Variants in ZDHHC17 observed in about 807,000 individuals in gnomAD.
ZDHHC17 encodes palmitoyltransferase ZDHHC17.
In ZDHHC17, 40 loss-of-function variants were observed where a neutral mutation model predicts 90.3. That is an observed-to-expected ratio of 0.44 (90% CI 0.34 to 0.58). The LOEUF (loss-of-function observed/expected upper bound fraction) is 0.58, where lower values mean the gene tolerates loss of function less well. Among genes scored for constraint, ZDHHC17 ranks in the 20% least tolerant of loss-of-function variants. The pLI is 0.01. For missense variants in ZDHHC17, 614 were observed against 780.8 expected (o/e 0.79, Z 2.55); for synonymous variants, 235 against 252.4 (o/e 0.93, Z 0.65).
In ZDHHC17 at chr12:76,853,192, C is replaced by A. The variant is rs1308523055; in HGVS notation, c.*2207C>A. On this transcript the variant is annotated 3_prime_UTR_variant, in exon 17 of 17. Coordinates refer to ENST00000426126, the MANE Select transcript of ZDHHC17 (RefSeq NM_015336.4). Reference sequence around the variant, plus strand: ...AGCAATGTGAATGCTTTTGTAGTAACCATCTTGTAGTACCTGTGAAATCTA... The same window carrying A: ...AGCAATGTGAATGCTTTTGTAGTAAACATCTTGTAGTACCTGTGAAATCTA... 6.6e-6 allele frequency: 1 copy of A among 152,130 alleles called. No homozygotes were observed. The highest frequency in any genetic ancestry group is 6.5e-5 in the Admixed American group (1 of 15,280). The allele number at this position is 152,130 out of a possible 1,614,324, so 9.4% of individuals were successfully genotyped here. A position where few individuals can be genotyped will look rare whatever the true frequency, so the allele number is the denominator to read the frequency against.
intron 1 of ZDHHC17, among the ~76,000 whole-genome samples, chr12:76,790,173 A>G (rs888191240): frequency 3.9e-5 from 6 of 152,108 alleles, no homozygotes; most frequent in African/African-American, 1.4e-4. Context: ...AGAGATAGGA[A>G]GAGGAGAGAA....
intron 1 of ZDHHC17, among the ~76,000 whole-genome samples, chr12:76,787,117 C>A (rs921735959): frequency 6.6e-6 from 1 of 152,190 alleles, no homozygotes; most frequent in Non-Finnish European, 1.5e-5. Flanking sequence ...TTTCCAGAGT[C>A]GTTTTATGTC....
chr12:76,815,651 A>G (rs1163744249), intron 6 of ZDHHC17, among the ~76,000 whole-genome samples: 3 of 151,908 alleles, frequency 2.0e-5, no homozygotes, highest in African/African-American at 7.2e-5. Flanking sequence ...GAAACTATTA[A>G]TATATTATTT....
At chr12:76,813,600 G>A (rs1026001135) in intron 5 of ZDHHC17, among the ~76,000 whole-genome samples, 1 of 151,992 alleles carries the variant, frequency 6.6e-6, no homozygotes, top group Non-Finnish European at 1.5e-5. Flanking sequence ...CTGATGCATA[G>A]AGATAGTGTT....
rs566346546 is a variant in ZDHHC17 at position 76,789,260 on chromosome 12, T to C, written c.94-8174T>C. 4.6e-5 allele frequency among the ~76,000 whole-genome samples: 7 copies of C among 152,336 alleles called. No individual in the cohort carries two copies. The South Asian group carries it at 8.3e-4, about 18-fold the overall frequency. ...TGAGGAAGAATCCATCCATTTATTC[T>C]TTCATTTCATTTAAGGAGACCAGTA... On this transcript the variant is annotated intron_variant, in intron 1 of 16. Coordinates refer to ENST00000426126, the MANE Select transcript of ZDHHC17 (RefSeq NM_015336.4).
intron 10 of ZDHHC17, among the ~76,000 whole-genome samples, chr12:76,832,456 ATACTGAACCAT>A (rs1415849270): frequency 1.3e-5 from 2 of 152,376 alleles, no homozygotes; most frequent in East Asian, 3.9e-4. Flanking sequence ...GAATTAGAAA[ATACTGAACCAT>A]TGTTCCTAAG....
At position 76,851,052 on chromosome 12, in the gene ZDHHC17, TCA is replaced by T. The variant is rs1953561641; in HGVS notation, c.*71_*72del. ...AAAATTGTGTCTGTCCGTGTCTTTC[TCA>T]CACTCGAATCCACATCCTTTGAACA... On this transcript the variant is annotated 3_prime_UTR_variant, in exon 17 of 17. Coordinates refer to ENST00000426126, the MANE Select transcript of ZDHHC17 (RefSeq NM_015336.4). The T allele has an allele frequency of 6.3e-7, 1 of 1,593,596 alleles. No individual in the cohort carries two copies. The highest frequency in any genetic ancestry group is 1.1e-5 in the South Asian group (1 of 89,100).
intron 1 of ZDHHC17, among the ~76,000 whole-genome samples, chr12:76,779,342 G>A (rs1039162772): frequency 6.6e-6 from 1 of 152,174 alleles, no homozygotes; most frequent in South Asian, 2.1e-4. Flanking sequence ...ATAAAGGAAG[G>A]AGGTTGAATT....
At chr12:76,785,961 T>A (rs1355338602) in intron 1 of ZDHHC17, among the ~76,000 whole-genome samples, 1 of 152,136 alleles carries the variant, frequency 6.6e-6, no homozygotes, top group African/African-American at 2.4e-5. Context: ...AAGGGAGTGA[T>A]AGGGACAGTA....
chr12:76,841,570 G>A (rs1953435828), intron 10 of ZDHHC17, among the ~76,000 whole-genome samples: 2 of 152,034 alleles, frequency 1.3e-5, no homozygotes, highest in Admixed American at 1.3e-4. Flanking sequence ...AAAGGCAAAA[G>A]TGAGAATTTT....
chr12:76,827,731 T>A (rs1434716823), intron 9 of ZDHHC17, among the ~76,000 whole-genome samples: 1 of 152,118 alleles, frequency 6.6e-6, no homozygotes. Flanking sequence ...TATTATAATA[T>A]GCTGAGTGGC....
chr12:76,804,474 T>C (rs916082769), intron 2 of ZDHHC17, among the ~76,000 whole-genome samples: 2 of 152,136 alleles, frequency 1.3e-5, no homozygotes, highest in Non-Finnish European at 2.9e-5. Flanking sequence ...TTTTAAATGG[T>C]CCATTTTCAA....
intron 1 of ZDHHC17, among the ~76,000 whole-genome samples, chr12:76,766,761 T>C (rs965743272): frequency 1.3e-5 from 2 of 151,992 alleles, no homozygotes; most frequent in Non-Finnish European, 2.9e-5. Flanking sequence ...GGCTCACACC[T>C]GTAGTCCCAG....
intron 7 of ZDHHC17, among the ~76,000 whole-genome samples, chr12:76,818,841 T>C (rs1430304633): frequency 6.6e-6 from 1 of 152,254 alleles, no homozygotes; most frequent in Non-Finnish European, 1.5e-5. Context: ...AGGATTTATG[T>C]AGGCTGATTA....
chr12:76,818,049 C>A (rs1487954784), intron 7 of ZDHHC17, among the ~76,000 whole-genome samples: 2 of 152,052 alleles, frequency 1.3e-5, no homozygotes, highest in Non-Finnish European at 2.9e-5. Context: ...TTATCTGTCA[C>A]ATGTAATAGA....
At chr12:76,816,970 A>T (rs1953095941) in intron 7 of ZDHHC17, among the ~76,000 whole-genome samples, 1 of 152,050 alleles carries the variant, frequency 6.6e-6, no homozygotes, top group Non-Finnish European at 1.5e-5. Context: ...TGATCAGAAT[A>T]GTTCCATATC....
chr12:76,764,482 C>G, intron 1 of ZDHHC17, 153 bp downstream of exon 1: 1 of 703,106 alleles, frequency 1.4e-6, no homozygotes, highest in Non-Finnish European at 2.3e-6. Context: ...AGCGCGGCTG[C>G]GAGCGGATAA....
chr12:76,838,286 T>C (rs1397261173), intron 10 of ZDHHC17, among the ~76,000 whole-genome samples: 1 of 152,194 alleles, frequency 6.6e-6, no homozygotes, highest in Non-Finnish European at 1.5e-5. Flanking sequence ...GTGCACATTT[T>C]TTCTGGTTTA....
intron 7 of ZDHHC17, chr12:76,820,988 A>G (rs1953157488): frequency 1.1e-6 from 1 of 944,326 alleles, no homozygotes; most frequent in Non-Finnish European, 1.5e-6. Context: ...AAAGAACTAT[A>G]CAAAAATAGT....
Sources: gnomAD v4.1 joint callset for allele counts (sites outside exome capture counted in the v4.1 genomes callset) on GRCh38, gnomAD v4.1.1 for gene constraint, MANE v1.5 for transcripts, NCBI Gene and HGNC (gene_info 2026-07-23, HGNC 2026-07-21) for gene names.